Variants in TLE2 observed in about 807,000 individuals in gnomAD.
The protein encoded by TLE2 is TLE family member 2, transcriptional corepressor.
In TLE2, 74 loss-of-function variants were observed where a neutral mutation model predicts 97.2. That is an observed-to-expected ratio of 0.76 (90% CI 0.63 to 0.92). TLE2 has a LOEUF of 0.92. Among genes scored for constraint, TLE2 ranks in the 40% least tolerant of loss-of-function variants. The pLI is 0.00. For synonymous variants in TLE2, 499 were observed against 432.1 expected (o/e 1.15, Z -1.92); for missense variants, 1,038 against 1,008.7 (o/e 1.03, Z -0.39).
upstream of TLE2, among the ~76,000 whole-genome samples, chr19:3,032,957 G>A (rs1432403986): frequency 4.2e-5 from 6 of 144,384 alleles, no homozygotes; most frequent in South Asian, 1.1e-3. The surrounding 1 kb of genome is among the most constrained non-coding windows in gnomAD (Gnocchi z 4.1). Flanking sequence ...TTTTTTTGAC[G>A]GAGTCATGCT....
chr19:3,011,855 A>G (rs1184844587), intron 11 of TLE2, among the ~76,000 whole-genome samples: 6 of 152,192 alleles, frequency 3.9e-5, no homozygotes, highest in African/African-American at 1.4e-4. Context: ...TACAAAAACA[A>G]AAAACAAAAC....
chr19:2,999,747 A>T (rs924459153), intron 19 of TLE2, among the ~76,000 whole-genome samples: 31 of 146,266 alleles, frequency 2.1e-4, no homozygotes, highest in African/African-American at 7.9e-4. Context: ...AAAGAAAGAA[A>T]AACAGCTGGG....
intron 10 of TLE2, among the ~76,000 whole-genome samples, chr19:3,014,200 G>A (rs1338352872): frequency 1.3e-5 from 2 of 152,118 alleles, no homozygotes; most frequent in East Asian, 1.9e-4. Flanking sequence ...GATCACAGGT[G>A]TGAGCCACCA....
At chr19:3,008,294 C>T (rs1445010797) in intron 14 of TLE2, among the ~76,000 whole-genome samples, 1 of 152,142 alleles carries the variant, frequency 6.6e-6, no homozygotes, top group Non-Finnish European at 1.5e-5. Flanking sequence ...AGCAGCATCC[C>T]TGGCCTCCAC....
In TLE2 at chr19:3,028,688, T is replaced by A; in HGVS notation, c.122+18A>T. 1 of 1,610,272 alleles carries A rather than the reference T, an allele frequency of 6.2e-7. No individual in the cohort carries two copies. Among genetic ancestry groups the A allele is most frequent in the Non-Finnish European group, 8.5e-7 (1 of 1,178,544 alleles). On this transcript the variant is annotated intron_variant, in intron 2 of 19. Transcript: ENST00000262953. ...CGCCCAGGTGAACTCCCGCGGCCCC[T>A]GGGGCGGCCCCCCTCACCTGTGGTA...
intron 1 of TLE2, among the ~76,000 whole-genome samples, chr19:3,043,978 T>C (rs996349701): frequency 1.3e-5 from 2 of 151,674 alleles, no homozygotes; most frequent in African/African-American, 4.8e-5. Context: ...AGCAAGACTC[T>C]GTCTCAAAAA....
At chr19:3,017,383 C>T (rs1002418149) in intron 8 of TLE2, among the ~76,000 whole-genome samples, 1 of 151,816 alleles carries the variant, frequency 6.6e-6, no homozygotes, top group Non-Finnish European at 1.5e-5. Context: ...AGTGATCTGC[C>T]CACCTTGGCC....
At chr19:3,010,707 A>C (rs993158317) in intron 12 of TLE2, among the ~76,000 whole-genome samples, 1 of 152,124 alleles carries the variant, frequency 6.6e-6, no homozygotes, top group Non-Finnish European at 1.5e-5. Context: ...GCCCGAGGTC[A>C]CCCAGCTGGT....
At chr19:3,035,093 G>A (rs1300586314) in intron 1 of TLE2, among the ~76,000 whole-genome samples, 1 of 152,120 alleles carries the variant, frequency 6.6e-6, no homozygotes, top group African/African-American at 2.4e-5. Flanking sequence ...GACCACACAC[G>A]CACACAGGAA....
chr19:3,041,773 C>T (rs1365790229), intron 1 of TLE2, among the ~76,000 whole-genome samples: 1 of 152,212 alleles, frequency 6.6e-6, no homozygotes, highest in Admixed American at 6.5e-5. Flanking sequence ...AATGAAAGGC[C>T]CGCTGCTGCC....
intron 4 of TLE2, 154 bp from the exon 5 acceptor site, chr19:3,025,236 C>T: frequency 9.3e-7 from 1 of 1,080,018 alleles, no homozygotes; most frequent in Non-Finnish European, 1.3e-6. Context: ...ATGGCATGGG[C>T]CGAGGTGGGA....
At chr19:3,023,683 G>A (rs533951236) in intron 5 of TLE2, among the ~76,000 whole-genome samples, 86 of 152,028 alleles carry the variant, frequency 5.7e-4, no homozygotes, top group Middle Eastern at 3.4e-3. Flanking sequence ...GCTTGAGTCC[G>A]GGGGTTCGAG....
intron 1 of TLE2, among the ~76,000 whole-genome samples, chr19:3,035,391 C>T (rs1185863681): frequency 6.6e-6 from 1 of 152,138 alleles, no homozygotes; most frequent in Non-Finnish European, 1.5e-5. Flanking sequence ...CCTCTTTGCG[C>T]CTCAGTTTCC....
chr19:3,039,901 G>C (rs1022521632), intron 1 of TLE2, among the ~76,000 whole-genome samples: 1 of 152,180 alleles, frequency 6.6e-6, no homozygotes, highest in Non-Finnish European at 1.5e-5. Flanking sequence ...CCGCCACTGC[G>C]TCACTGTGAT....
upstream of TLE2, chr19:3,029,562 G>T (rs1252142994): frequency 5.4e-5 from 44 of 816,142 alleles, 2 homozygotes; most frequent in Admixed American, 6.3e-5. Context: ...TGGGAGCGGG[G>T]GGGGGGGCTT....
chr19:3,013,913 G>A, intron 10 of TLE2, 95 bp from the exon 11 acceptor site: 4 of 1,234,144 alleles, frequency 3.2e-6, no homozygotes, highest in East Asian at 2.9e-5. Context: ...CCAATCTCTA[G>A]AATGGGTACC....
Position 3,019,880 on chromosome 19 carries a change from G to A in TLE2, c.295-107C>T. 1 of 1,378,476 alleles carries A rather than the reference G, an allele frequency of 7.3e-7. No homozygotes were observed. 85.4% of individuals were successfully genotyped at this position (1,378,476 alleles called of 1,614,324 possible). ...CCGCCACCCTCTCATCTTTGCCCCG[G>A]TACTTCCCATTTCTCTTTTATCTTT... On this transcript the variant is annotated intron_variant, in intron 5 of 19. Coordinates refer to ENST00000262953, the MANE Select transcript of TLE2 (RefSeq NM_003260.5). The surrounding 1 kb of genome is among the most constrained non-coding windows in gnomAD (Gnocchi z 5.1).
At chr19:3,014,297 C>T (rs543509298) in intron 10 of TLE2, among the ~76,000 whole-genome samples, 1 of 152,216 alleles carries the variant, frequency 6.6e-6, no homozygotes, top group African/African-American at 2.4e-5. Flanking sequence ...GTTTTATTTT[C>T]CCATTGAACA....
chr19:3,018,436 G>A (rs1248800935), intron 7 of TLE2, among the ~76,000 whole-genome samples: 1 of 151,190 alleles, frequency 6.6e-6, no homozygotes, highest in Admixed American at 6.6e-5. Context: ...CAGATTACAG[G>A]CACCCACCAC....
Sources: gnomAD v4.1 joint callset for allele counts (sites outside exome capture counted in the v4.1 genomes callset) on GRCh38, gnomAD v4.1.1 for gene constraint, Gnocchi (gnomAD v3.1) non-coding constraint, MANE v1.5 for transcripts, NCBI Gene and HGNC (gene_info 2026-07-23, HGNC 2026-07-21) for gene names.